SLX9: variants seen among roughly 807,000 people sequenced by gnomAD.
SLX9 encodes ribosome biogenesis protein SLX9 homolog.
Under a neutral mutation model 20.8 loss-of-function variants are expected in SLX9, and 19 were observed. The observed-to-expected ratio is 0.91, with a 90% CI of 0.64 to 1.34. SLX9 has a LOEUF of 1.34. Ranked by LOEUF, SLX9 falls within the 40% of genes most tolerant of loss-of-function variation. The probability of loss-of-function intolerance (pLI) is 0.00; values close to 1 mark genes in which losing one functional copy is unlikely to be tolerated. For missense variants in SLX9, 299 were observed against 322.2 expected, an observed-to-expected ratio of 0.93 and a Z score of 0.55; for synonymous variants, 113 against 137.1, an observed-to-expected ratio of 0.82 and a Z score of 1.23.
chr21:44,945,161 A>G (rs942549567), intron 2 of SLX9, among the ~76,000 whole-genome samples: 2 of 152,174 alleles, frequency 1.3e-5, no homozygotes, highest in Non-Finnish European at 2.9e-5. Flanking sequence ...TAGCTCATAG[A>G]TGCTAAGGGC....
intron 2 of SLX9, among the ~76,000 whole-genome samples, chr21:44,944,312 G>A (rs1479181962): frequency 6.6e-6 from 1 of 152,204 alleles, no homozygotes; most frequent in Non-Finnish European, 1.5e-5. Flanking sequence ...TCCATGCGCA[G>A]CCCTTCCCGT....
At chr21:44,955,500 G>C (rs1053993895) in intron 2 of SLX9, among the ~76,000 whole-genome samples, 1 of 152,216 alleles carries the variant, frequency 6.6e-6, no homozygotes. Flanking sequence ...CCCCACTGCA[G>C]ACTTGGTCTG....
intron 4 of SLX9, among the ~76,000 whole-genome samples, chr21:44,971,249 G>A (rs925342048): frequency 1.3e-5 from 2 of 152,160 alleles, no homozygotes; most frequent in African/African-American, 2.4e-5. Context: ...CACACTGGGC[G>A]GAGTTAGGCT....
At chr21:44,975,834 C>G (rs924533801) in intron 5 of SLX9, among the ~76,000 whole-genome samples, 2 of 152,268 alleles carry the variant, frequency 1.3e-5, no homozygotes, top group Non-Finnish European at 2.9e-5. Flanking sequence ...CCCAGCCCCA[C>G]TGTCCTCTGT....
At chr21:44,949,730 C>A (rs774743689) in intron 2 of SLX9, among the ~76,000 whole-genome samples, 2 of 152,158 alleles carry the variant, frequency 1.3e-5, no homozygotes, top group Non-Finnish European at 2.9e-5. Flanking sequence ...GGTGACGAGG[C>A]CACCAGGCTG....
At chr21:44,972,362 G>A (rs756871936) in intron 4 of SLX9, among the ~76,000 whole-genome samples, 2 of 152,220 alleles carry the variant, frequency 1.3e-5, no homozygotes, top group African/African-American at 2.4e-5. Context: ...TTAACTGAGG[G>A]TGAGAAGCTC....
At chr21:44,971,010 C>T (rs1311275656) in intron 4 of SLX9, among the ~76,000 whole-genome samples, 2 of 152,118 alleles carry the variant, frequency 1.3e-5, no homozygotes, top group Non-Finnish European at 2.9e-5. Context: ...TTGGGGTCCA[C>T]GTCACTCCTG....
In SLX9 at chr21:44,973,221, C is replaced by G. The variant is rs774524575; in HGVS notation, c.525C>G (p.Pro175=). The G allele has an allele frequency of 6.2e-7, 1 of 1,613,106 alleles. No individual in the cohort carries two copies. ...GCAGGGAGAGCAACAAGCCCCGGCC[C>G]TCAGAGCTCAGCCGGATGAGCGCAG... The part of the protein sequence containing the change: ...ARSRESNKPR[P]SELSRMSAAQ... Residue 175 remains proline (P), a synonymous_variant, in exon 5 of 6, where the codon CCC becomes CCG. Transcript: ENST00000291634.
chr21:44,954,485 C>T (rs778233923), intron 2 of SLX9, among the ~76,000 whole-genome samples: 1 of 152,116 alleles, frequency 6.6e-6, no homozygotes, highest in East Asian at 1.9e-4. Context: ...CTCCGGCCGT[C>T]GGCAGGTTTG....
chr21:44,976,643 G>A (rs1387250999), intron 5 of SLX9, 37 bp from the exon 6 acceptor site: 1 of 1,564,972 alleles, frequency 6.4e-7, no homozygotes, highest in South Asian at 1.2e-5. Flanking sequence ...GGGTCCGGGG[G>A]TTCCTGCCTG....
intron 4 of SLX9, among the ~76,000 whole-genome samples, chr21:44,971,808 C>G (rs2085155303): frequency 6.6e-6 from 1 of 152,072 alleles, no homozygotes; most frequent in African/African-American, 2.4e-5. Context: ...GTCGGCTGGC[C>G]AGGGGGGCAG....
chr21:44,942,216 A>G (rs2084562788), intron 1 of SLX9, among the ~76,000 whole-genome samples: 1 of 152,220 alleles, frequency 6.6e-6, no homozygotes, highest in African/African-American at 2.4e-5. Context: ...GGAAGGCTGC[A>G]TGCTGCACCC....
chr21:44,955,076 T>A (rs778138831), intron 2 of SLX9, among the ~76,000 whole-genome samples: 12 of 151,548 alleles, frequency 7.9e-5, no homozygotes, highest in Non-Finnish European at 1.5e-4. Context: ...ATTAGCTGGG[T>A]GTGGTGGTGT....
At chr21:44,975,404 C>T (rs2085242959) in intron 5 of SLX9, among the ~76,000 whole-genome samples, 1 of 152,192 alleles carries the variant, frequency 6.6e-6, no homozygotes, top group African/African-American at 2.4e-5. Context: ...AGGCCTGGCC[C>T]AGCATGGGAG....
At chr21:44,969,611 C>G (rs911198712) in intron 4 of SLX9, among the ~76,000 whole-genome samples, 2 of 152,198 alleles carry the variant, frequency 1.3e-5, no homozygotes, top group African/African-American at 4.8e-5. Flanking sequence ...GCTTTAGATT[C>G]GTAGAAAAAT....
intron 5 of SLX9, among the ~76,000 whole-genome samples, chr21:44,974,909 G>A (rs765661142): frequency 6.6e-6 from 1 of 152,204 alleles, no homozygotes; most frequent in Non-Finnish European, 1.5e-5. Context: ...ACAGGGCGAC[G>A]GGTTTTCCTC....
At chr21:44,959,260 A>G in intron 2 of SLX9, 5 of 985,426 alleles carry the variant, frequency 5.1e-6, no homozygotes, top group Non-Finnish European at 6.0e-6. Context: ...GAAGGTCTGC[A>G]TGAATTAAAA....
intron 1 of SLX9, 134 bp downstream of exon 1, chr21:44,940,320 C>A: frequency 8.7e-7 from 1 of 1,154,198 alleles, no homozygotes; most frequent in Non-Finnish European, 1.1e-6. Context: ...GCGCTACAGA[C>A]GCGACCTTCT....
chr21:44,969,203 C>T (rs1403723947), intron 4 of SLX9: 1 of 470,026 alleles, frequency 2.1e-6, no homozygotes, highest in Admixed American at 2.3e-5. Context: ...CGCTGCAGGC[C>T]CAGGCAGCTC....
Sources: allele counts gnomAD v4.1 joint callset (sites outside exome capture counted in the v4.1 genomes callset), GRCh38; gene constraint gnomAD v4.1.1; transcripts MANE v1.5; gene names NCBI Gene and HGNC (gene_info 2026-07-23, HGNC 2026-07-21).